ADGRL2: variants seen among roughly 807,000 people sequenced by gnomAD.
ADGRL2 encodes adhesion G protein-coupled receptor L2, also known as calcium-independent alpha-latrotoxin receptor 2.
ADGRL2 carries 44 observed loss-of-function variants against 157.4 expected under a neutral mutation model. The ratio of observed to expected loss-of-function variants is 0.28; its 90% CI spans 0.22 to 0.36. The LOEUF (loss-of-function observed/expected upper bound fraction) is 0.36. ADGRL2 is among the 10% of genes least tolerant of loss of function. The pLI is 1.00. For synonymous variants in ADGRL2, 585 were observed against 624.7 expected (o/e 0.94, Z 0.95); for missense variants, 1,510 against 1,768.9 (o/e 0.85, Z 2.63).
intron 1 of ADGRL2, among the ~76,000 whole-genome samples, chr1:81,443,025 A>G (rs527301477): frequency 2.6e-5 from 4 of 152,356 alleles, no homozygotes; most frequent in African/African-American, 9.6e-5. Flanking sequence ...AGAAATGCAT[A>G]TTCTTTACAA....
At chr1:81,766,999 C>A (rs1446947153) in intron 2 of ADGRL2, among the ~76,000 whole-genome samples, 1 of 152,026 alleles carries the variant, frequency 6.6e-6, no homozygotes, top group East Asian at 1.9e-4. Context: ...AAACATTATC[C>A]TGAATTTTCT....
At chr1:81,365,838 C>T in intron 1 of ADGRL2, among the ~76,000 whole-genome samples, 1 of 152,146 alleles carries the variant, frequency 6.6e-6, no homozygotes, top group East Asian at 1.9e-4. Context: ...ATCTGATTTT[C>T]AACACATTAA....
At position 81,501,723 on chromosome 1, in the gene ADGRL2, C is replaced by T. The variant is rs529266760; in HGVS notation, c.-248+56634C>T. ...GACCCAGTGTGCCTGGTGGGCTGTG[C>T]CCAGGTTCAGAGTCATGCCACTCTG... On this transcript the variant is annotated intron_variant, in intron 2 of 24. Coordinates refer to the ADGRL2 transcript ENST00000370721. 3.6e-5 allele frequency: 57 copies of T among 1,605,594 alleles called. No individual in the cohort carries two copies. In the African/African-American group the frequency reaches 7.3e-4, roughly 21 times the overall value.
chr1:81,461,058 G>T (rs1196125818), intron 2 of ADGRL2, among the ~76,000 whole-genome samples: 1 of 152,158 alleles, frequency 6.6e-6, no homozygotes, highest in African/African-American at 2.4e-5. Flanking sequence ...AGCATCCACT[G>T]AACAGGGTAA....
At chr1:81,441,244 T>C (rs1212296229) in intron 1 of ADGRL2, among the ~76,000 whole-genome samples, 2 of 152,216 alleles carry the variant, frequency 1.3e-5, no homozygotes, top group African/African-American at 2.4e-5. Flanking sequence ...AATAGTACTG[T>C]TAAATTTTAA....
In ADGRL2 at chr1:81,984,606, C is replaced by T; in HGVS notation, c.3306C>T (p.Cys1102=). The T allele has an allele frequency of 6.2e-7, 1 of 1,611,058 alleles. No individual in the cohort carries two copies. ...AGGTACGAAAAGAATATGGCAAGTGCTTCAGACACTCATACTGCTGTGGAG... is the reference window on the plus strand; with the variant it reads ...AGGTACGAAAAGAATATGGCAAGTGTTTCAGACACTCATACTGCTGTGGAG... ...QKKVRKEYGK[C]FRHSYCCGGL... is the part of the protein sequence containing the mutation. Residue 1102 remains cysteine, a synonymous_variant, in exon 20 of 24, where the codon TGC becomes TGT. Coordinates refer to ENST00000686636, the MANE Select transcript of ADGRL2 (RefSeq NM_001366006.2).
intron 2 of ADGRL2, among the ~76,000 whole-genome samples, chr1:81,850,215 C>G (rs1235472460): frequency 3.3e-5 from 5 of 151,944 alleles, no homozygotes; most frequent in South Asian, 2.1e-4. Flanking sequence ...TGGAGTCTTA[C>G]AGCTGTCTAA....
At chr1:81,593,467 T>C (rs1446668028) in intron 3 of ADGRL2, among the ~76,000 whole-genome samples, 2 of 152,166 alleles carry the variant, frequency 1.3e-5, no homozygotes, top group Non-Finnish European at 2.9e-5. Flanking sequence ...AATGAACTAA[T>C]ATGTGAAGTG....
chr1:81,756,669 G>A (rs1571092256), intron 1 of ADGRL2, among the ~76,000 whole-genome samples: 1 of 152,132 alleles, frequency 6.6e-6, no homozygotes, highest in Admixed American at 6.6e-5. Flanking sequence ...ACAAAGAGAT[G>A]TTGTATTTTG....
At chr1:81,849,956 A>G (rs188591144) in intron 2 of ADGRL2, among the ~76,000 whole-genome samples, 66 of 152,008 alleles carry the variant, frequency 4.3e-4, no homozygotes, top group Non-Finnish European at 1.8e-4. Context: ...AGGCTCATTT[A>G]TGGATTTGAA....
At position 81,960,128 on chromosome 1, in the gene ADGRL2, C is replaced by G. The variant is rs142226587; in HGVS notation, c.2017+4068C>G. 8.2e-4 allele frequency among the ~76,000 whole-genome samples: 125 copies of G among 152,184 alleles called. 2 individuals carry two copies. The highest frequency in any genetic ancestry group is 2.9e-3 in the African/African-American group (122 of 41,546). On this transcript the variant is annotated intron_variant, in intron 11 of 23. Coordinates refer to ENST00000686636, the MANE Select transcript of ADGRL2 (RefSeq NM_001366006.2). The stretch of plus-strand genomic sequence containing the variant: ...TATTTTTTCATTAAAAGTTATTTCT[C>G]TTTGCATACTAAAAAAAATATTTTT...
chr1:81,341,308 A>G (rs1238657219), intron 1 of ADGRL2, among the ~76,000 whole-genome samples: 1 of 152,182 alleles, frequency 6.6e-6, no homozygotes, highest in Non-Finnish European at 1.5e-5. Context: ...CCTGGAATAA[A>G]TATAGCAGCA....
chr1:81,532,452 T>C (rs1014268442), intron 2 of ADGRL2, among the ~76,000 whole-genome samples: 1 of 152,300 alleles, frequency 6.6e-6, no homozygotes, highest in South Asian at 2.1e-4. Flanking sequence ...TGAGTATGAA[T>C]ATAAACGTAA....
chr1:81,324,567 A>G (rs1305727200), intron 1 of ADGRL2, among the ~76,000 whole-genome samples: 2 of 149,592 alleles, frequency 1.3e-5, no homozygotes, highest in African/African-American at 4.9e-5. Flanking sequence ...AAAGTTATAT[A>G]TAAATTATAT....
chr1:81,440,457 T>C (rs76580396), intron 1 of ADGRL2, among the ~76,000 whole-genome samples: 5,252 of 152,274 alleles, frequency 0.034, 100 homozygotes, highest in Middle Eastern at 0.065. Context: ...TTCTCCTAAT[T>C]ATGCCATTTC....
At chr1:81,975,544 A>G (rs1012127457) in intron 17 of ADGRL2, among the ~76,000 whole-genome samples, 3 of 151,484 alleles carry the variant, frequency 2.0e-5, no homozygotes, top group African/African-American at 7.3e-5. Flanking sequence ...ACCATGTTGG[A>G]TGGTTGTGAT....
chr1:81,953,099 G>A (rs868327275), intron 10 of ADGRL2, 74 bp downstream of exon 10: 1 of 1,252,130 alleles, frequency 8.0e-7, no homozygotes, highest in African/African-American at 1.5e-5. Context: ...CTTGCTGCAT[G>A]ATCCAATGTA....
intron 1 of ADGRL2, among the ~76,000 whole-genome samples, chr1:81,710,584 C>A (rs151001375): frequency 0.098 from 14,266 of 146,278 alleles, 906 homozygotes; most frequent in South Asian, 0.15. Flanking sequence ...CACACCACTG[C>A]ACTCCAGCCT....
upstream of ADGRL2, chr1:81,699,674 A>C (rs2083518615): frequency 6.6e-6 from 1 of 152,150 alleles, no homozygotes; most frequent in African/African-American, 2.4e-5. Context: ...GGATCTTAAT[A>C]GTGTTGTGAC....
Sources: gnomAD v4.1 joint callset for allele counts (sites outside exome capture counted in the v4.1 genomes callset) on GRCh38, gnomAD v4.1.1 for gene constraint, MANE v1.5 for transcripts, NCBI Gene and HGNC (gene_info 2026-07-23, HGNC 2026-07-21) for gene names.